Variants in PDE1C observed in about 807,000 individuals in gnomAD.
The protein encoded by PDE1C is dual specificity calcium/calmodulin-dependent 3',5'-cyclic nucleotide phosphodiesterase 1C.
Under a neutral mutation model 93.1 loss-of-function variants are expected in PDE1C, and 62 were observed. That is an observed-to-expected ratio of 0.67 (90% confidence interval 0.54 to 0.82). The LOEUF is 0.82. PDE1C is among the 40% of genes least tolerant of loss of function. The probability of loss-of-function intolerance (pLI) is 0.00; values close to 1 mark genes in which losing one functional copy is unlikely to be tolerated. For missense variants in PDE1C, 742 were observed against 884.6 expected (o/e 0.84, Z 2.04); for synonymous variants, 325 against 310.1 (o/e 1.05, Z -0.50).
chr7:31,887,921 G>A (rs1193836287), intron 2 of PDE1C, among the ~76,000 whole-genome samples: 1 of 152,174 alleles, frequency 6.6e-6, no homozygotes, highest in Non-Finnish European at 1.5e-5. Context: ...CAGCCTTGTA[G>A]TATGCAGCTA....
intron 17 of PDE1C, among the ~76,000 whole-genome samples, chr7:31,763,038 C>A (rs996640728): frequency 6.6e-6 from 1 of 152,112 alleles, no homozygotes. Context: ...CCAGGAGTCT[C>A]TGAAGTAATT....
intron 1 of PDE1C, among the ~76,000 whole-genome samples, chr7:32,059,168 G>A (rs927817962): frequency 1.3e-5 from 2 of 152,172 alleles, no homozygotes; most frequent in African/African-American, 4.8e-5. Flanking sequence ...GAGGACTCCA[G>A]TATGTTTAGC....
At chr7:31,683,888 G>A in the PDE1C span, among the ~76,000 whole-genome samples, 4 of 152,182 alleles carry the variant, frequency 2.6e-5, no homozygotes, top group South Asian at 4.1e-4. Flanking sequence ...TTCATTTAAA[G>A]CTAGTTACCA....
At chr7:32,377,851 C>T (rs922938048) in intron 1 of PDE1C, among the ~76,000 whole-genome samples, 3 of 152,150 alleles carry the variant, frequency 2.0e-5, no homozygotes, top group Admixed American at 2.0e-4. Context: ...CAAGCGGCCC[C>T]AGAGGAAAAA....
At chr7:32,050,151 G>A (rs1793154995) in intron 2 of PDE1C, among the ~76,000 whole-genome samples, 1 of 152,140 alleles carries the variant, frequency 6.6e-6, no homozygotes, top group Non-Finnish European at 1.5e-5. Flanking sequence ...ATGTCACTAA[G>A]CAATAGGAAT....
intron 3 of PDE1C, among the ~76,000 whole-genome samples, chr7:32,114,140 T>C (rs940557154): frequency 6.6e-6 from 1 of 152,112 alleles, no homozygotes; most frequent in Non-Finnish European, 1.5e-5. Flanking sequence ...TTAAATTTCA[T>C]ATGGAATCAA....
At chr7:32,083,873 A>G (rs1796876192) in intron 3 of PDE1C, among the ~76,000 whole-genome samples, 1 of 152,164 alleles carries the variant, frequency 6.6e-6, no homozygotes, top group South Asian at 2.1e-4. Context: ...GAAAGGAAAA[A>G]CCGGTACCAG....
upstream of PDE1C, among the ~76,000 whole-genome samples, chr7:32,301,615 T>C (rs1812883103): frequency 6.6e-6 from 1 of 152,230 alleles, no homozygotes; most frequent in African/African-American, 2.4e-5. Flanking sequence ...TAAAGCAGCC[T>C]TTTCAGCCTT....
intron 11 of PDE1C, among the ~76,000 whole-genome samples, chr7:31,831,840 A>T (rs554236642): frequency 1.3e-5 from 2 of 152,222 alleles, no homozygotes; most frequent in South Asian, 4.1e-4. Context: ...GAGGAGAAGG[A>T]AGTATTATAC....
At chr7:31,622,627 T>C in the PDE1C span, among the ~76,000 whole-genome samples, 1 of 152,010 alleles carries the variant, frequency 6.6e-6, no homozygotes, top group African/African-American at 2.4e-5. Flanking sequence ...GGGAAATTTA[T>C]AGCACTAAAT....
chr7:32,354,768 A>C (rs900837891), intron 1 of PDE1C, among the ~76,000 whole-genome samples: 7 of 152,212 alleles, frequency 4.6e-5, no homozygotes, highest in Non-Finnish European at 1.0e-4. Flanking sequence ...TCATTTGTGC[A>C]GAAGCCTCCT....
the PDE1C span, among the ~76,000 whole-genome samples, chr7:31,676,417 A>G: frequency 6.6e-6 from 1 of 151,864 alleles, no homozygotes; most frequent in African/African-American, 2.4e-5. Flanking sequence ...AAATAATAAT[A>G]GTTTTTAAAA....
intron 3 of PDE1C, among the ~76,000 whole-genome samples, chr7:32,095,744 T>C (rs1584753664): frequency 6.6e-6 from 1 of 152,202 alleles, no homozygotes. Context: ...TTCCTGAACT[T>C]GAGAAACAGG....
At chr7:31,636,949 T>G in the PDE1C span, among the ~76,000 whole-genome samples, 1 of 143,868 alleles carries the variant, frequency 7.0e-6, no homozygotes, top group Non-Finnish European at 1.5e-5. Flanking sequence ...TGTGTTCTTA[T>G]TGTTCAGTTC....
At chr7:31,618,514 A>C in the PDE1C span, among the ~76,000 whole-genome samples, 2 of 152,160 alleles carry the variant, frequency 1.3e-5, no homozygotes, top group African/African-American at 4.8e-5. Context: ...CCCAAGAAAA[A>C]ATGCCTCCAG....
chr7:32,137,779 T>C (rs1584833922), intron 3 of PDE1C, among the ~76,000 whole-genome samples: 1 of 152,330 alleles, frequency 6.6e-6, no homozygotes, highest in Admixed American at 6.5e-5. Context: ...GATGTGTCTA[T>C]CCATTCAATT....
the PDE1C span, among the ~76,000 whole-genome samples, chr7:31,690,426 C>T: frequency 2.6e-5 from 4 of 152,178 alleles, 1 homozygote; most frequent in African/African-American, 9.7e-5. Context: ...TTTCTGGGTG[C>T]CAGACTGTGT....
intron 1 of PDE1C, among the ~76,000 whole-genome samples, chr7:32,054,403 G>A (rs1176658367): frequency 6.6e-6 from 1 of 152,206 alleles, no homozygotes; most frequent in Non-Finnish European, 1.5e-5. Flanking sequence ...AAATGAGATA[G>A]TGTATTAAAT....
At chr7:31,955,718 C>A (rs188710133) in intron 2 of PDE1C, among the ~76,000 whole-genome samples, 1 of 152,086 alleles carries the variant, frequency 6.6e-6, no homozygotes. Flanking sequence ...TCATTTGAAA[C>A]GTAAAAAAAT....
Sources: gnomAD v4.1 joint callset for allele counts (sites outside exome capture counted in the v4.1 genomes callset) on GRCh38, gnomAD v4.1.1 for gene constraint, MANE v1.5 for transcripts, NCBI Gene and HGNC (gene_info 2026-07-23, HGNC 2026-07-21) for gene names.